The following IMMP2L variants were observed in gnomAD, a reference collection of about 807,000 sequenced individuals.
IMMP2L encodes inner mitochondrial membrane peptidase subunit 2, also known as mitochondrial inner membrane protease subunit 2.
A neutral mutation model predicts 19.3 loss-of-function variants in IMMP2L; 18 were observed. The observed-to-expected ratio is 0.93, with a 90% CI of 0.64 to 1.38. IMMP2L has a LOEUF of 1.38. Among genes scored for constraint, IMMP2L ranks in the 40% most tolerant of loss-of-function variants. The probability of loss-of-function intolerance (pLI) is 0.00; values close to 1 mark genes in which losing one functional copy is unlikely to be tolerated. For missense variants in IMMP2L, 233 were observed against 218.2 expected, an observed-to-expected ratio of 1.07 and a Z score of -0.43; for synonymous variants, 76 against 73.0, an observed-to-expected ratio of 1.04 and a Z score of -0.21.
At chr7:111,229,179 T>C (rs892747562) in intron 3 of IMMP2L, among the ~76,000 whole-genome samples, 2 of 152,092 alleles carry the variant, frequency 1.3e-5, no homozygotes, top group Non-Finnish European at 2.9e-5. Context: ...TGATGACAGA[T>C]ATAATCAAAT....
chr7:111,325,828 T>C (rs1028979071), intron 3 of IMMP2L, among the ~76,000 whole-genome samples: 3 of 151,772 alleles, frequency 2.0e-5, no homozygotes, highest in Non-Finnish European at 4.4e-5. Flanking sequence ...ATCAGTGTAG[T>C]AGATCAAAAT....
At chr7:111,263,191 A>G (rs748367349) in intron 3 of IMMP2L, among the ~76,000 whole-genome samples, 39 of 152,154 alleles carry the variant, frequency 2.6e-4, no homozygotes, top group Non-Finnish European at 4.9e-4. Context: ...AACAAATACT[A>G]TAAGGTGCCA....
intron 5 of IMMP2L, among the ~76,000 whole-genome samples, chr7:110,782,902 A>G (rs1799831928): frequency 6.6e-6 from 1 of 151,938 alleles, no homozygotes; most frequent in African/African-American, 2.4e-5. Flanking sequence ...AAAGATCCTG[A>G]AAATGAAACT....
intron 3 of IMMP2L, among the ~76,000 whole-genome samples, chr7:111,436,096 G>C (rs1837138552): frequency 6.6e-6 from 1 of 151,738 alleles, no homozygotes; most frequent in African/African-American, 2.4e-5. Flanking sequence ...AAGAGACCCA[G>C]AATTAGTAAA....
chr7:111,091,402 T>C (rs1465388852), intron 3 of IMMP2L: 1 of 152,280 alleles, frequency 6.6e-6, no homozygotes, highest in Admixed American at 6.5e-5. Context: ...CACCTATTTA[T>C]ACCGGGCAAG....
At chr7:110,934,841 T>C (rs1815900034) in intron 4 of IMMP2L, among the ~76,000 whole-genome samples, 1 of 152,212 alleles carries the variant, frequency 6.6e-6, no homozygotes. Context: ...TTGCTTTCCA[T>C]TTGCTTGGTA....
At chr7:110,894,616 G>A (rs1395165286) in intron 4 of IMMP2L, among the ~76,000 whole-genome samples, 1 of 152,038 alleles carries the variant, frequency 6.6e-6, no homozygotes, top group Non-Finnish European at 1.5e-5. Context: ...TATAAATTTT[G>A]TATTAGATAT....
chr7:111,356,446 T>C (rs1563096225), intron 3 of IMMP2L, among the ~76,000 whole-genome samples: 1 of 152,172 alleles, frequency 6.6e-6, no homozygotes, highest in Non-Finnish European at 1.5e-5. Context: ...ACATAGGTTA[T>C]AAGCAAATAC....
At chr7:111,031,934 A>ATTTTTTTT (rs57560784) in intron 3 of IMMP2L, among the ~76,000 whole-genome samples, 19 of 108,068 alleles carry the variant, frequency 1.8e-4, no homozygotes, top group African/African-American at 5.6e-4. Context: ...AACACCAGAG[A>ATTTTTTTT]TTTTTTTTTT....
chr7:111,314,889 T>C lies in IMMP2L; in HGVS notation c.239+172349A>G, dbSNP rs564200016. 2.4e-4 allele frequency among the ~76,000 whole-genome samples: 37 copies of C among 152,294 alleles called. No homozygotes were observed. In the South Asian group the frequency reaches 6.6e-3, roughly 27 times the overall value. On this transcript the variant is annotated intron_variant, in intron 3 of 5. Coordinates refer to ENST00000405709, the MANE Select transcript of IMMP2L (RefSeq NM_032549.4). ...GTAACTTAAATTAAGCTGTGAAATA[T>C]ATTCTATTTTTTGTCTGCTATTTTG... is the stretch of plus-strand genomic sequence containing the variant.
At chr7:111,239,681 C>T (rs866084184) in intron 3 of IMMP2L, among the ~76,000 whole-genome samples, 34 of 152,046 alleles carry the variant, frequency 2.2e-4, no homozygotes, top group Middle Eastern at 3.4e-3. Context: ...TCTTCTCCCA[C>T]ATTTTCAACT....
At chr7:110,910,594 T>A (rs1812952461) in intron 4 of IMMP2L, among the ~76,000 whole-genome samples, 1 of 152,128 alleles carries the variant, frequency 6.6e-6, no homozygotes, top group Non-Finnish European at 1.5e-5. Context: ...TTATTACATG[T>A]TAGTCACTGA....
intron 3 of IMMP2L, among the ~76,000 whole-genome samples, chr7:111,485,720 T>A (rs973909292): frequency 6.6e-6 from 1 of 151,502 alleles, no homozygotes; most frequent in East Asian, 1.9e-4. Context: ...TCAATCACTA[T>A]GAATATTTAT....
chr7:111,243,446 C>A (rs1411986514), intron 3 of IMMP2L, among the ~76,000 whole-genome samples: 1 of 151,312 alleles, frequency 6.6e-6, no homozygotes. Flanking sequence ...TCATGTTTTA[C>A]ATATATAATT....
intron 3 of IMMP2L, among the ~76,000 whole-genome samples, chr7:111,381,217 C>G (rs950418246): frequency 1.4e-4 from 21 of 151,868 alleles, no homozygotes; most frequent in African/African-American, 5.1e-4. Flanking sequence ...CACCTTACAG[C>G]AGATACTACT....
At chr7:111,196,768 G>A (rs185446812) in intron 3 of IMMP2L, among the ~76,000 whole-genome samples, 2 of 152,160 alleles carry the variant, frequency 1.3e-5, no homozygotes, top group Admixed American at 1.3e-4. Context: ...CTGCACGTTT[G>A]TTGTTTATAT....
At chr7:111,507,440 C>T (rs1259644737) in intron 2 of IMMP2L, among the ~76,000 whole-genome samples, 1 of 152,096 alleles carries the variant, frequency 6.6e-6, no homozygotes, top group African/African-American at 2.4e-5. Context: ...CAAGTTCTTA[C>T]AGTTCACATT....
chr7:110,812,289 A>G (rs1315827936), intron 5 of IMMP2L, among the ~76,000 whole-genome samples: 2 of 151,870 alleles, frequency 1.3e-5, no homozygotes, highest in Admixed American at 6.6e-5. Flanking sequence ...GTCCTATACC[A>G]TAGCAGACTA....
chr7:111,328,012 C>T (rs546304126), intron 3 of IMMP2L, among the ~76,000 whole-genome samples: 8 of 151,794 alleles, frequency 5.3e-5, no homozygotes, highest in South Asian at 4.2e-4. Flanking sequence ...TAACCACCCA[C>T]ATTTCACCAT....
Sources: gnomAD v4.1 joint callset for allele counts (sites outside exome capture counted in the v4.1 genomes callset) on GRCh38, gnomAD v4.1.1 for gene constraint, MANE v1.5 for transcripts, NCBI Gene and HGNC (gene_info 2026-07-23, HGNC 2026-07-21) for gene names.